TMEM38A: variants seen among roughly 807,000 people sequenced by gnomAD.
The protein encoded by TMEM38A is trimeric intracellular cation channel type A.
TMEM38A carries 17 observed loss-of-function variants against 28.6 expected under a neutral mutation model. That is an observed-to-expected ratio of 0.60 (90% confidence interval 0.41 to 0.89). The LOEUF (loss-of-function observed/expected upper bound fraction) is 0.89. Among genes scored for constraint, TMEM38A ranks in the 40% least tolerant of loss-of-function variants. The pLI, the probability that TMEM38A is intolerant of heterozygous loss-of-function variation, is 0.00. For synonymous variants in TMEM38A, 169 were observed against 166.1 expected, an observed-to-expected ratio of 1.02 and a Z score of -0.14; for missense variants, 328 against 393.1, an observed-to-expected ratio of 0.83 and a Z score of 1.40.
At chr19:16,687,358 T>A (rs2086806152) in intron 5 of TMEM38A, among the ~76,000 whole-genome samples, 1 of 151,622 alleles carries the variant, frequency 6.6e-6, no homozygotes, top group Non-Finnish European at 1.5e-5. Context: ...GCAAACAAAA[T>A]ACAAATACAA....
intron 1 of TMEM38A, among the ~76,000 whole-genome samples, chr19:16,677,190 C>G (rs1285709965): frequency 1.3e-5 from 2 of 151,682 alleles, no homozygotes; most frequent in Non-Finnish European, 2.9e-5. Flanking sequence ...GAGTTTATGA[C>G]TCACAAGAAG....
At chr19:16,685,157 C>G (rs949506336) in intron 4 of TMEM38A, among the ~76,000 whole-genome samples, 1 of 151,716 alleles carries the variant, frequency 6.6e-6, no homozygotes, top group African/African-American at 2.4e-5. Context: ...GAGGCTGAGG[C>G]GGGTGGATTA....
intron 1 of TMEM38A, among the ~76,000 whole-genome samples, chr19:16,664,673 T>A (rs1196178240): frequency 1.3e-5 from 2 of 152,028 alleles, no homozygotes; most frequent in Non-Finnish European, 2.9e-5. Context: ...GAGGATCACT[T>A]GAGCCCAGGA....
chr19:16,674,110 C>A (rs755510691), intron 1 of TMEM38A, among the ~76,000 whole-genome samples: 6 of 147,060 alleles, frequency 4.1e-5, no homozygotes, highest in African/African-American at 1.5e-4. Flanking sequence ...CAGGGCCAGG[C>A]GCTGTGGTTC....
chr19:16,680,800 T>C (rs915931262), intron 3 of TMEM38A: 15 of 552,164 alleles, frequency 2.7e-5, no homozygotes, highest in African/African-American at 2.1e-4. Flanking sequence ...AAGACAGTGA[T>C]GATGATGACA....
intron 1 of TMEM38A, among the ~76,000 whole-genome samples, chr19:16,668,024 C>T (rs2086710810): frequency 6.6e-6 from 1 of 152,048 alleles, no homozygotes; most frequent in Non-Finnish European, 1.5e-5. Flanking sequence ...GCCTGACCAA[C>T]ATGGTGAAAC....
At chr19:16,677,785 C>G (rs1019212523) in intron 1 of TMEM38A, among the ~76,000 whole-genome samples, 2 of 152,104 alleles carry the variant, frequency 1.3e-5, no homozygotes, top group Non-Finnish European at 2.9e-5. Context: ...CTCGAACACC[C>G]AGGCTCAAGT....
At chr19:16,670,093 C>T (rs893588799) in intron 1 of TMEM38A, among the ~76,000 whole-genome samples, 1 of 151,418 alleles carries the variant, frequency 6.6e-6, no homozygotes, top group Non-Finnish European at 1.5e-5. Context: ...CCTCAGCCTC[C>T]CGAGTAGCTG....
At chr19:16,668,532 G>T (rs1461501793) in intron 1 of TMEM38A, among the ~76,000 whole-genome samples, 1 of 151,332 alleles carries the variant, frequency 6.6e-6, no homozygotes. Flanking sequence ...AGAGATGGGG[G>T]TTCTGTTGTG....
At chr19:16,671,793 G>T (rs778495856) in intron 1 of TMEM38A, among the ~76,000 whole-genome samples, 2 of 152,222 alleles carry the variant, frequency 1.3e-5, no homozygotes, top group African/African-American at 4.8e-5. Flanking sequence ...CCGTCAGAGC[G>T]TAACTCATGC....
At chr19:16,665,586 A>T (rs1023737412) in intron 1 of TMEM38A, among the ~76,000 whole-genome samples, 9 of 152,176 alleles carry the variant, frequency 5.9e-5, no homozygotes, top group African/African-American at 2.2e-4. Flanking sequence ...TTTCACCACC[A>T]TGAGCTTCAG....
chr19:16,673,594 A>G (rs1364567007), intron 1 of TMEM38A, among the ~76,000 whole-genome samples: 3 of 152,190 alleles, frequency 2.0e-5, no homozygotes, highest in Non-Finnish European at 2.9e-5. Context: ...TTTCCCTGGT[A>G]TTGCCAAGTT....
At chr19:16,670,260 G>A (rs187370160) in intron 1 of TMEM38A, among the ~76,000 whole-genome samples, 2 of 143,654 alleles carry the variant, frequency 1.4e-5, no homozygotes, top group African/African-American at 5.2e-5. Context: ...CAGCCACTGC[G>A]CCCGGCCTGT....
chr19:16,679,054 C>T (rs773084562), intron 1 of TMEM38A, among the ~76,000 whole-genome samples: 16 of 150,580 alleles, frequency 1.1e-4, no homozygotes, highest in Non-Finnish European at 4.4e-5. Flanking sequence ...GAGTCTGAGG[C>T]AGGAGGATCG....
intron 1 of TMEM38A, among the ~76,000 whole-genome samples, chr19:16,663,552 G>T (rs181775691): frequency 6.7e-6 from 1 of 149,120 alleles, no homozygotes; most frequent in African/African-American, 2.5e-5. Context: ...TTTTTGAAAC[G>T]GAGTCTCGCT....
intron 1 of TMEM38A, among the ~76,000 whole-genome samples, chr19:16,668,329 G>A (rs1382789928): frequency 6.6e-6 from 1 of 151,942 alleles, no homozygotes; most frequent in Non-Finnish European, 1.5e-5. Flanking sequence ...CAGATCACTT[G>A]AAGCCAGGCG....
intron 4 of TMEM38A, among the ~76,000 whole-genome samples, chr19:16,684,807 G>A (rs2086794920): frequency 6.7e-6 from 1 of 148,244 alleles, no homozygotes; most frequent in African/African-American, 2.5e-5. Context: ...GGGAGGCCGA[G>A]ATAGGAGGAT....
At chr19:16,680,233 A>C in intron 2 of TMEM38A, 93 bp downstream of exon 2, 1 of 1,530,284 alleles carries the variant, frequency 6.5e-7, no homozygotes, top group Non-Finnish European at 8.9e-7. Flanking sequence ...ATTAGAATGC[A>C]CCAGCAACAG....
intron 1 of TMEM38A, among the ~76,000 whole-genome samples, chr19:16,676,074 A>T (rs1393084708): frequency 1.3e-5 from 2 of 152,018 alleles, no homozygotes; most frequent in South Asian, 2.1e-4. Context: ...AAGAGATCAC[A>T]TTTTGGCCGG....
Sources: gnomAD v4.1 joint callset for allele counts (sites outside exome capture counted in the v4.1 genomes callset) on GRCh38, gnomAD v4.1.1 for gene constraint, MANE v1.5 for transcripts, NCBI Gene and HGNC (gene_info 2026-07-23, HGNC 2026-07-21) for gene names.